RABGAP1L: variants seen among roughly 807,000 people sequenced by gnomAD.
RABGAP1L encodes RAB GTPase activating protein 1 like, also known as rab GTPase-activating protein 1-like.
A neutral mutation model predicts 137.7 loss-of-function variants in RABGAP1L; 63 were observed. The observed-to-expected ratio is 0.46, with a 90% CI of 0.37 to 0.56. RABGAP1L has a LOEUF of 0.56. Ranked by LOEUF, RABGAP1L falls within the 20% of genes least tolerant of loss-of-function variation. The probability of loss-of-function intolerance (pLI) is 0.00; values close to 1 mark genes in which losing one functional copy is unlikely to be tolerated. For synonymous variants in RABGAP1L, 431 were observed against 433.7 expected (o/e 0.99, Z 0.08); for missense variants, 1,095 against 1,244.0 (o/e 0.88, Z 1.80).
At chr1:174,611,156 C>G (rs1405313138) in intron 13 of RABGAP1L, among the ~76,000 whole-genome samples, 1 of 147,952 alleles carries the variant, frequency 6.8e-6, no homozygotes, top group Non-Finnish European at 1.5e-5. Context: ...ATGGTATTGC[C>G]TAGGTTTTCT....
At chr1:174,710,489 C>T (rs1558006206) in intron 17 of RABGAP1L, among the ~76,000 whole-genome samples, 3 of 152,212 alleles carry the variant, frequency 2.0e-5, no homozygotes, top group Admixed American at 2.0e-4. Context: ...TCTGCAGAAA[C>T]CCTGCAAGCT....
intron 17 of RABGAP1L, among the ~76,000 whole-genome samples, chr1:174,721,221 T>C (rs1681511638): frequency 6.6e-6 from 1 of 152,236 alleles, no homozygotes; most frequent in Non-Finnish European, 1.5e-5. Context: ...TATCAGATGA[T>C]AAAGGTGTGA....
intron 13 of RABGAP1L, among the ~76,000 whole-genome samples, chr1:174,402,542 AC>A (rs1648727843): frequency 6.6e-6 from 1 of 152,138 alleles, no homozygotes; most frequent in Non-Finnish European, 1.5e-5. Flanking sequence ...TGAGCCTTCA[AC>A]CATTGTCTGT....
intron 13 of RABGAP1L, among the ~76,000 whole-genome samples, chr1:174,604,946 G>A (rs1200456870): frequency 1.3e-5 from 2 of 152,088 alleles, no homozygotes; most frequent in East Asian, 3.9e-4. Flanking sequence ...GATTTCACCA[G>A]CCTGGCCAAC....
At chr1:174,288,589 T>C (rs1015174561) in intron 10 of RABGAP1L, among the ~76,000 whole-genome samples, 21 of 152,220 alleles carry the variant, frequency 1.4e-4, no homozygotes, top group Non-Finnish European at 2.5e-4. Context: ...TTACAAGGGC[T>C]CTTTTGTATG....
chr1:174,622,969 A>G lies in RABGAP1L; in HGVS notation c.1711-14406A>G, dbSNP rs1273501535. ...GAAGTTTCAGGTGGTACTTTATGAA[A>G]AGGAATTTCCAAGATCATTTTAATA... On this transcript the variant is annotated intron_variant, in intron 13 of 25. Transcript: ENST00000681986. Among the ~76,000 whole-genome samples, 5 of 152,156 alleles carry G rather than the reference A, an allele frequency of 3.3e-5. No individual in the cohort carries two copies. The East Asian group carries it at 5.8e-4, about 18-fold the overall frequency.
chr1:174,377,592 C>A (rs1685658927), intron 12 of RABGAP1L, among the ~76,000 whole-genome samples: 1 of 152,012 alleles, frequency 6.6e-6, no homozygotes, highest in Admixed American at 6.6e-5. Flanking sequence ...GGCCAAGTAG[C>A]ACATAAAAAG....
intron 19 of RABGAP1L, among the ~76,000 whole-genome samples, chr1:174,946,948 GT>G (rs1666947691): frequency 1.2e-5 from 1 of 84,028 alleles, no homozygotes; most frequent in African/African-American, 4.2e-5. Context: ...ATATGTGTGT[GT>G]GTGTGTGTGT....
intron 13 of RABGAP1L, among the ~76,000 whole-genome samples, chr1:174,481,288 T>C (rs919772218): frequency 6.6e-6 from 1 of 152,226 alleles, no homozygotes; most frequent in East Asian, 1.9e-4. Flanking sequence ...CCTTCATCTA[T>C]GCCACAGTTG....
chr1:174,737,767 G>C (rs1013764280), intron 17 of RABGAP1L, among the ~76,000 whole-genome samples: 1 of 152,212 alleles, frequency 6.6e-6, no homozygotes, highest in Non-Finnish European at 1.5e-5. Context: ...ACCAACATCT[G>C]TTCAACTCCT....
At chr1:174,756,450 C>T (rs79144211) in intron 18 of RABGAP1L, among the ~76,000 whole-genome samples, 3,510 of 152,130 alleles carry the variant, frequency 0.023, 59 homozygotes, top group Middle Eastern at 0.085. Flanking sequence ...GCACCCTGCC[C>T]TGTACCATAT....
intron 12 of RABGAP1L, among the ~76,000 whole-genome samples, chr1:174,392,278 A>ATTTTTTGTGTATATT (rs1457247333): frequency 1.3e-4 from 20 of 152,202 alleles, no homozygotes; most frequent in African/African-American, 4.8e-4. Context: ...TTACACAGAT[A>ATTTTTTGTGTATATT]TTTTGGAGTA....
intron 14 of RABGAP1L, among the ~76,000 whole-genome samples, chr1:174,676,008 G>A (rs1479107583): frequency 6.6e-6 from 1 of 151,956 alleles, no homozygotes; most frequent in African/African-American, 2.4e-5. Context: ...GAAAGAAAAA[G>A]CAGCTTTGAA....
chr1:174,975,075 G>A (rs1232148897), intron 21 of RABGAP1L, among the ~76,000 whole-genome samples: 2 of 152,240 alleles, frequency 1.3e-5, no homozygotes, highest in Non-Finnish European at 2.9e-5. Context: ...CATGCAGTCT[G>A]CATCTGCAAT....
At chr1:174,256,161 A>G in intron 7 of RABGAP1L, among the ~76,000 whole-genome samples, 1 of 152,166 alleles carries the variant, frequency 6.6e-6, no homozygotes, top group Admixed American at 6.5e-5. Flanking sequence ...TTAACCTGGA[A>G]CATTTCCACA....
At chr1:174,540,118 T>C (rs1180810961) in intron 13 of RABGAP1L, among the ~76,000 whole-genome samples, 1 of 152,218 alleles carries the variant, frequency 6.6e-6, no homozygotes, top group Non-Finnish European at 1.5e-5. Flanking sequence ...TTCATATCCT[T>C]TGCCCACTTT....
rs953344732 is a variant in RABGAP1L at position 174,992,499 on chromosome 1, T to G, written c.*2498T>G. On this transcript the variant is annotated 3_prime_UTR_variant, in exon 26 of 26. Coordinates refer to ENST00000681986, the MANE Select transcript of RABGAP1L (RefSeq NM_001366446.1). ...TTTGATAAGTCCATCTTTTGAGTTTTCTTTTAGCTCTTTCAAAAGATTACG... is the reference window on the plus strand; with the variant it reads ...TTTGATAAGTCCATCTTTTGAGTTTGCTTTTAGCTCTTTCAAAAGATTACG... 1 of 152,166 alleles carries G rather than the reference T, an allele frequency of 6.6e-6. No individual in the cohort carries two copies. Among genetic ancestry groups the G allele is most frequent in the Non-Finnish European group, 1.5e-5 (1 of 68,022 alleles). 9.4% of individuals were successfully genotyped at this position (152,166 alleles called of 1,614,324 possible).
At chr1:174,290,427 G>A (rs927453650) in intron 10 of RABGAP1L, among the ~76,000 whole-genome samples, 1 of 152,154 alleles carries the variant, frequency 6.6e-6, no homozygotes, top group African/African-American at 2.4e-5. Flanking sequence ...TTTTGGCCTG[G>A]GGTAGTGGCA....
At chr1:174,428,219 C>T (rs1476170811) in intron 13 of RABGAP1L, among the ~76,000 whole-genome samples, 1 of 152,146 alleles carries the variant, frequency 6.6e-6, no homozygotes, top group African/African-American at 2.4e-5. Flanking sequence ...TTTCAACAAA[C>T]ATGCACTGAG....
Sources: gnomAD v4.1 joint callset for allele counts (sites outside exome capture counted in the v4.1 genomes callset) on GRCh38, gnomAD v4.1.1 for gene constraint, MANE v1.5 for transcripts, NCBI Gene and HGNC (gene_info 2026-07-23, HGNC 2026-07-21) for gene names.